The following METTL21A variants were observed in gnomAD, a reference collection of about 807,000 sequenced individuals.
METTL21A encodes the protein methyltransferase 21A, HSPA lysine, also known as protein N-lysine methyltransferase METTL21A.
Under a neutral mutation model 20.9 loss-of-function variants are expected in METTL21A, and 22 were observed. The ratio of observed to expected loss-of-function variants is 1.05; its 90% CI spans 0.75 to 1.50. METTL21A has a LOEUF of 1.50. METTL21A is among the 40% of genes most tolerant of loss of function. METTL21A has a pLI of 0.00. For synonymous variants in METTL21A, 93 were observed against 102.0 expected (o/e 0.91, Z 0.53); for missense variants, 271 against 266.8 (o/e 1.02, Z -0.11).
At chr2:207,618,379 G>A (rs924223477) in intron 3 of METTL21A, among the ~76,000 whole-genome samples, 2 of 151,752 alleles carry the variant, frequency 1.3e-5, no homozygotes, top group Non-Finnish European at 2.9e-5. Flanking sequence ...ATATACCTAT[G>A]GTAAAGTTTA....
chr2:207,599,474 C>A, intron 3 of METTL21A: 1 of 195,544 alleles, frequency 5.1e-6, no homozygotes, highest in Admixed American at 6.1e-5. Context: ...CCTCTTAGTC[C>A]CTGATAAATC....
chr2:207,607,202 T>C (rs1235706575), downstream of METTL21A, among the ~76,000 whole-genome samples: 2 of 151,850 alleles, frequency 1.3e-5, no homozygotes, highest in African/African-American at 4.8e-5. Flanking sequence ...GCCTGGCCAA[T>C]ATAATTAAAA....
chr2:207,621,973 C>A, intron 2 of METTL21A, 56 bp from the exon 3 acceptor site: 1 of 1,472,092 alleles, frequency 6.8e-7, no homozygotes. Context: ...TGAGTAGCTG[C>A]AGGGTTTCAG....
chr2:207,583,631 C>T (rs1022694804), intron 3 of METTL21A, among the ~76,000 whole-genome samples: 3 of 152,142 alleles, frequency 2.0e-5, no homozygotes, highest in Admixed American at 2.0e-4. Flanking sequence ...AGATTTGTCA[C>T]AATCTTCAGT....
chr2:207,585,937 A>G (rs1448376993), intron 3 of METTL21A, among the ~76,000 whole-genome samples: 1 of 152,226 alleles, frequency 6.6e-6, no homozygotes, highest in Non-Finnish European at 1.5e-5. Flanking sequence ...AGGAAAAGGC[A>G]TAGAAAACCT....
intron 3 of METTL21A, among the ~76,000 whole-genome samples, chr2:207,594,054 A>C (rs2085627946): frequency 6.6e-6 from 1 of 152,170 alleles, no homozygotes; most frequent in Non-Finnish European, 1.5e-5. Context: ...AGAAAATATT[A>C]CCATGTCCTT....
At chr2:207,600,690 G>T (rs967205993) in intron 3 of METTL21A, 2 of 210,994 alleles carry the variant, frequency 9.5e-6, no homozygotes, top group East Asian at 1.4e-4. Context: ...TTGATGGTAG[G>T]TCAGCAGCAG....
In METTL21A at chr2:207,597,105, T is replaced by G. The variant is rs544887101; in HGVS notation, c.260-14945A>C. On this transcript the variant is annotated intron_variant, in intron 3 of 3. Transcript: ENST00000425132. ...TGTTAAGGTGGAAAATGGACTGGCT[T>G]GGCCACAACCTGAAAGACAAAATAA... 4.5e-6 allele frequency: 7 copies of G among 1,540,102 alleles called. No homozygotes were observed. The South Asian group carries it at 8.6e-5, about 19-fold the overall frequency.
chr2:207,594,905 T>C (rs2085807988), intron 3 of METTL21A, among the ~76,000 whole-genome samples: 1 of 152,156 alleles, frequency 6.6e-6, no homozygotes, highest in African/African-American at 2.4e-5. Flanking sequence ...GGTGGTGGTT[T>C]TTTGATAGTA....
chr2:207,622,805 CTTG>C (rs1342605439), intron 2 of METTL21A, among the ~76,000 whole-genome samples: 1 of 152,102 alleles, frequency 6.6e-6, no homozygotes, highest in African/African-American at 2.4e-5. Flanking sequence ...GCTAACATAA[CTTG>C]TTACTATAAT....
intron 2 of METTL21A, among the ~76,000 whole-genome samples, chr2:207,622,882 G>A (rs779952375): frequency 2.0e-5 from 3 of 151,704 alleles, no homozygotes; most frequent in East Asian, 1.9e-4. Flanking sequence ...GAGCATTTAC[G>A]AGTCTTCCCA....
intron 3 of METTL21A, chr2:207,620,780 G>T: frequency 7.9e-7 from 1 of 1,264,192 alleles, no homozygotes; most frequent in South Asian, 1.4e-5. Context: ...TCGAATTTTG[G>T]AAAGCAGCAG....
intron 3 of METTL21A, among the ~76,000 whole-genome samples, chr2:207,588,797 T>C (rs1315139049): frequency 1.3e-5 from 2 of 150,834 alleles, no homozygotes; most frequent in African/African-American, 2.4e-5. Flanking sequence ...CAATTGTTCA[T>C]TGCTGGTATA....
chr2:207,596,348 T>G (rs924664386), intron 3 of METTL21A, among the ~76,000 whole-genome samples: 8 of 152,268 alleles, frequency 5.3e-5, no homozygotes, highest in South Asian at 2.1e-4. Context: ...TTTCAAGTTT[T>G]GCAGGAATTA....
chr2:207,593,312 GC>G (rs2085445181), intron 3 of METTL21A, among the ~76,000 whole-genome samples: 1 of 152,160 alleles, frequency 6.6e-6, no homozygotes. Context: ...GATAGCTTGA[GC>G]CCAGGAATTC....
chr2:207,620,928 T>TACCC (rs1460043915), intron 3 of METTL21A: 2 of 360,498 alleles, frequency 5.5e-6, no homozygotes, highest in Non-Finnish European at 1.0e-5. Context: ...GGATCCTTCC[T>TACCC]ACCCAAGTGT....
At chr2:207,590,094 T>TC (rs2084709629) in intron 3 of METTL21A, among the ~76,000 whole-genome samples, 1 of 141,552 alleles carries the variant, frequency 7.1e-6, no homozygotes, top group South Asian at 2.4e-4. Context: ...TTTTTTTTTT[T>TC]TTTTTTTTTT....
At chr2:207,612,816 C>A in exon 4 of METTL21A, 1 of 423,006 alleles carries the variant, frequency 2.4e-6, no homozygotes, top group Non-Finnish European at 4.2e-6. Flanking sequence ...AAATCTCACA[C>A]TTAATCCTTT....
At chr2:207,590,670 T>C (rs979436900) in intron 3 of METTL21A, among the ~76,000 whole-genome samples, 8 of 152,124 alleles carry the variant, frequency 5.3e-5, no homozygotes, top group African/African-American at 1.9e-4. Context: ...ATAGTAAATA[T>C]TTCAGGCTTT....
Sources: gnomAD v4.1 joint callset for allele counts (sites outside exome capture counted in the v4.1 genomes callset) on GRCh38, gnomAD v4.1.1 for gene constraint, MANE v1.5 for transcripts, NCBI Gene and HGNC (gene_info 2026-07-23, HGNC 2026-07-21) for gene names.